Variants in NHS observed in about 807,000 individuals in gnomAD.
The protein encoded by NHS is actin remodeling regulator NHS.
Under a neutral mutation model 72.5 loss-of-function variants are expected in NHS, and 5 were observed. The ratio of observed to expected loss-of-function variants is 0.07; its 90% CI spans 0.04 to 0.14. The LOEUF is 0.14. Among genes scored for constraint, NHS ranks in the 10% least tolerant of loss-of-function variants. NHS has a pLI of 1.00. For synonymous variants in NHS, 464 were observed against 547.7 expected, an observed-to-expected ratio of 0.85 and a Z score of 2.13; for missense variants, 1,072 against 1,355.7, an observed-to-expected ratio of 0.79 and a Z score of 3.29.
intron 8 of NHS, among the ~76,000 whole-genome samples, chrX:17,729,128 G>A (rs1352031923): frequency 2.5e-4 from 28 of 111,048 alleles, no homozygotes; most frequent in Non-Finnish European, 1.9e-5. Context: ...TCTGACTTTT[G>A]AATACTTTCT....
At chrX:17,704,984 G>A (rs1029136699) in intron 3 of NHS, among the ~76,000 whole-genome samples, 1 of 112,229 alleles carries the variant, frequency 8.9e-6, no homozygotes, top group African/African-American at 3.2e-5. Context: ...GAAGCCTACA[G>A]TCTAGTCCAG....
chrX:17,532,506 A>G (rs970371847), intron 1 of NHS, among the ~76,000 whole-genome samples: 2 of 111,762 alleles, frequency 1.8e-5, no homozygotes, highest in Admixed American at 9.4e-5. Context: ...TTTCGTATCA[A>G]CCTCAGTGCT....
At chrX:17,458,511 G>A (rs956187690) in intron 1 of NHS, among the ~76,000 whole-genome samples, 4 of 110,625 alleles carry the variant, frequency 3.6e-5, no homozygotes, top group Non-Finnish European at 7.6e-5. Context: ...TTACAGGCGC[G>A]AGAGGGAGTC....
intron 1 of NHS, among the ~76,000 whole-genome samples, chrX:17,452,996 G>T (rs774583923): frequency 1.6e-4 from 18 of 112,251 alleles, no homozygotes; most frequent in African/African-American, 5.2e-4. Context: ...CTCTTTAATT[G>T]TACCAGGGGC....
chrX:17,571,052 C>T (rs7051820), intron 1 of NHS, among the ~76,000 whole-genome samples: 49,707 of 110,785 alleles, frequency 0.45, 8,915 homozygotes, highest in East Asian at 0.76. Context: ...CTTTTTGATG[C>T]GCTGCTGGAT....
intron 1 of NHS, among the ~76,000 whole-genome samples, chrX:17,518,909 A>T (rs1055314721): frequency 8.9e-6 from 1 of 112,013 alleles, no homozygotes; most frequent in African/African-American, 3.2e-5. Context: ...CTGGGTTCAT[A>T]ACTTGACTTT....
intron 1 of NHS, among the ~76,000 whole-genome samples, chrX:17,516,282 C>T (rs1036738236): frequency 1.8e-5 from 2 of 111,603 alleles, no homozygotes; most frequent in African/African-American, 6.5e-5. Context: ...CCATATTGGA[C>T]AGTGCATCCT....
At chrX:17,567,670 C>T (rs1277125703) in intron 1 of NHS, among the ~76,000 whole-genome samples, 1 of 106,750 alleles carries the variant, frequency 9.4e-6, no homozygotes, top group East Asian at 2.9e-4. Flanking sequence ...GTTTGTGGAG[C>T]AGGGAGAAGA....
At chrX:17,425,927 C>T (rs1256733307) in intron 1 of NHS, 1 of 112,505 alleles carries the variant, frequency 8.9e-6, no homozygotes, top group Non-Finnish European at 1.9e-5. Flanking sequence ...ACTGTGATGT[C>T]CAGGAGATCC....
rs765500403 is a variant in NHS at position 17,598,599 on chromosome X, G to A, written c.566-89143G>A. On this transcript the variant is annotated intron_variant, in intron 1 of 8. Transcript: ENST00000676302. ...CATTATCCTCACTTCACAGATAAGGGCATACAGGTGAAAAAGGCTTCATGG... is the reference window on the plus strand; with the variant it reads ...CATTATCCTCACTTCACAGATAAGGACATACAGGTGAAAAAGGCTTCATGG... Among the ~76,000 whole-genome samples, 12 of 111,526 alleles carry A rather than the reference G, an allele frequency of 1.1e-4. No individual in the cohort carries two copies. In the East Asian group the frequency reaches 3.1e-3, roughly 29 times the overall value.
intron 1 of NHS, among the ~76,000 whole-genome samples, chrX:17,448,277 A>G (rs1433055837): frequency 1.8e-5 from 2 of 112,402 alleles, no homozygotes; most frequent in Non-Finnish European, 3.8e-5. Flanking sequence ...AGCCAAGGAC[A>G]TCTTGATACT....
At chrX:17,713,078 C>T (rs1272349738) in intron 3 of NHS, among the ~76,000 whole-genome samples, 1 of 111,395 alleles carries the variant, frequency 9.0e-6, no homozygotes, top group Non-Finnish European at 1.9e-5. Context: ...AGCACAATGC[C>T]AACCTTTGGG....
intron 3 of NHS, among the ~76,000 whole-genome samples, chrX:17,696,817 A>G (rs1032828255): frequency 8.9e-6 from 1 of 111,887 alleles, no homozygotes; most frequent in African/African-American, 3.3e-5. Context: ...ACTACACAGA[A>G]AAACACACCA....
intron 1 of NHS, among the ~76,000 whole-genome samples, chrX:17,531,196 C>G (rs187165370): frequency 9.3e-6 from 1 of 107,593 alleles, no homozygotes; most frequent in African/African-American, 3.4e-5. Context: ...TAAACCTCCC[C>G]CATTTCCTAG....
intron 1 of NHS, among the ~76,000 whole-genome samples, chrX:17,474,348 G>A: frequency 8.9e-6 from 1 of 112,107 alleles, no homozygotes; most frequent in East Asian, 2.8e-4. Context: ...TTTGTCATGT[G>A]CTATTTAAGT....
At chrX:17,531,271 GC>G (rs1424415124) in intron 1 of NHS, among the ~76,000 whole-genome samples, 1 of 101,910 alleles carries the variant, frequency 9.8e-6, no homozygotes, top group Non-Finnish European at 2.0e-5. Flanking sequence ...CCCTTCAGTG[GC>G]CCCCCAGTTC....
intron 7 of NHS, 135 bp downstream of exon 7, chrX:17,728,463 C>A: frequency 1.2e-6 from 1 of 865,138 alleles, no homozygotes; most frequent in South Asian, 2.2e-5. Flanking sequence ...CTTATTAAAA[C>A]AATTGAGATA....
At chrX:17,629,455 T>C (rs1366229326) in intron 1 of NHS, among the ~76,000 whole-genome samples, 1 of 111,489 alleles carries the variant, frequency 9.0e-6, no homozygotes, top group East Asian at 2.8e-4. Context: ...GGCTCTATAG[T>C]GGTATGGAGT....
At chrX:17,439,029 T>C (rs1213647979) in intron 1 of NHS, among the ~76,000 whole-genome samples, 1 of 105,704 alleles carries the variant, frequency 9.5e-6, no homozygotes, top group Non-Finnish European at 1.9e-5. Context: ...TCTCCCCATC[T>C]TTCCAGAGAA....
Sources: allele counts gnomAD v4.1 joint callset (sites outside exome capture counted in the v4.1 genomes callset), GRCh38; gene constraint gnomAD v4.1.1; transcripts MANE v1.5; gene names NCBI Gene and HGNC (gene_info 2026-07-23, HGNC 2026-07-21).